The following GPC5 variants were observed in gnomAD, a reference collection of about 807,000 sequenced individuals.
The protein encoded by GPC5 is glypican 5.
In GPC5, 47 loss-of-function variants were observed where a neutral mutation model predicts 53.9. That is an observed-to-expected ratio of 0.87 (90% confidence interval 0.69 to 1.11). The LOEUF (loss-of-function observed/expected upper bound fraction) is 1.11, where lower values mean the gene tolerates loss of function less well. GPC5 is among the 50% of genes most tolerant of loss of function. GPC5 has a pLI of 0.00. For synonymous variants in GPC5, 286 were observed against 263.3 expected (o/e 1.09, Z -0.84); for missense variants, 748 against 713.1 (o/e 1.05, Z -0.56).
intron 5 of GPC5, among the ~76,000 whole-genome samples, chr13:91,897,526 T>C (rs1181886678): frequency 6.6e-6 from 1 of 152,108 alleles, no homozygotes; most frequent in Admixed American, 6.6e-5. Flanking sequence ...AAATCAGCTT[T>C]TGACTTGTTG....
intron 5 of GPC5, among the ~76,000 whole-genome samples, chr13:91,812,647 T>C (rs1365260891): frequency 6.6e-6 from 1 of 152,212 alleles, no homozygotes; most frequent in Non-Finnish European, 1.5e-5. Context: ...TTTGGTATAT[T>C]CTTCAGTATT....
chr13:91,750,778 T>C (rs980449300), intron 4 of GPC5, among the ~76,000 whole-genome samples: 6 of 140,490 alleles, frequency 4.3e-5, no homozygotes, highest in African/African-American at 1.6e-4. Flanking sequence ...CCTCCCGGCC[T>C]CAGCCTCCCG....
At chr13:91,606,871 G>A (rs559277239) in intron 2 of GPC5, among the ~76,000 whole-genome samples, 82 of 151,416 alleles carry the variant, frequency 5.4e-4, no homozygotes, top group African/African-American at 1.8e-3. Flanking sequence ...TCTTGCTAGC[G>A]GTCTATCAAT....
chr13:92,580,155 G>C lies in GPC5; in HGVS notation c.1562-286127G>C, dbSNP rs576137811. On this transcript the variant is annotated intron_variant, in intron 7 of 7. Transcript: ENST00000377067. ...GGGAAAATGCTGAGGGCAAATCAAAGAAATTCAAATTGAAGAAAGGTGACA... is the reference window on the plus strand; with the variant it reads ...GGGAAAATGCTGAGGGCAAATCAAACAAATTCAAATTGAAGAAAGGTGACA... Among the ~76,000 whole-genome samples the C allele has an allele frequency of 1.2e-3, 183 of 152,276 alleles. 1 individual carries two copies. The highest frequency in any genetic ancestry group is 4.4e-3 in the African/African-American group (181 of 41,560).
intron 6 of GPC5, among the ~76,000 whole-genome samples, chr13:91,945,078 C>T (rs115016227): frequency 1.2e-4 from 18 of 152,016 alleles, no homozygotes; most frequent in Non-Finnish European, 2.1e-4. Context: ...TATAATACAC[C>T]GTAATATAAA....
At chr13:91,743,008 C>A (rs1452487279) in intron 4 of GPC5, among the ~76,000 whole-genome samples, 1 of 152,118 alleles carries the variant, frequency 6.6e-6, no homozygotes, top group African/African-American at 2.4e-5. Context: ...GAGCTAGAAG[C>A]TTTTAGTAAT....
intron 2 of GPC5, among the ~76,000 whole-genome samples, chr13:91,557,923 C>G (rs573771090): frequency 6.6e-6 from 1 of 152,144 alleles, no homozygotes; most frequent in East Asian, 1.9e-4. Context: ...TTAAAGTCCC[C>G]AAGGACTACC....
Position 92,169,450 on chromosome 13 carries a change from T to C in GPC5, c.1561+24461T>C, listed in dbSNP as rs139960759. On this transcript the variant is annotated intron_variant, in intron 7 of 7. Coordinates refer to ENST00000377067, the MANE Select transcript of GPC5 (RefSeq NM_004466.6). ...CAGAACATTGTTTTTCTCAGAACAT[T>C]GTTCATTTTGTCTTAGTCTACCTTT... Among the ~76,000 whole-genome samples, 1,063 of 152,316 alleles carry C rather than the reference T, an allele frequency of 7.0e-3. 10 individuals are homozygous for C. The highest frequency in any genetic ancestry group is 0.024 in the African/African-American group (1,015 of 41,570).
At chr13:92,785,835 CCTTT>C (rs1876213324) in intron 7 of GPC5, among the ~76,000 whole-genome samples, 2 of 151,996 alleles carry the variant, frequency 1.3e-5, no homozygotes, top group Admixed American at 6.6e-5. Context: ...TCCGTTTTTT[CCTTT>C]CTAAGATGAA....
chr13:92,307,329 C>T (rs2043117550), intron 7 of GPC5, among the ~76,000 whole-genome samples: 1 of 152,176 alleles, frequency 6.6e-6, no homozygotes, highest in Non-Finnish European at 1.5e-5. Flanking sequence ...TAGCAGGCGT[C>T]TGTAATCCCA....
chr13:91,785,272 T>C (rs1405382923), intron 5 of GPC5, among the ~76,000 whole-genome samples: 1 of 152,228 alleles, frequency 6.6e-6, no homozygotes, highest in Non-Finnish European at 1.5e-5. Context: ...TATGTGGGGC[T>C]ATCCTGAGCA....
chr13:92,482,521 A>G (rs1879396431), intron 7 of GPC5, among the ~76,000 whole-genome samples: 1 of 152,236 alleles, frequency 6.6e-6, no homozygotes, highest in Non-Finnish European at 1.5e-5. Flanking sequence ...TTGCTTGTAG[A>G]GTAAAAGATT....
intron 7 of GPC5, among the ~76,000 whole-genome samples, chr13:92,353,007 T>C (rs529747498): frequency 1.3e-5 from 2 of 152,136 alleles, no homozygotes; most frequent in South Asian, 4.1e-4. Flanking sequence ...ACGCCTGTAA[T>C]CCCAGCACTT....
intron 2 of GPC5, among the ~76,000 whole-genome samples, chr13:91,491,988 A>T (rs528935421): frequency 6.6e-6 from 1 of 152,206 alleles, no homozygotes; most frequent in East Asian, 1.9e-4. Flanking sequence ...GCTTTCACTC[A>T]TGTCTGTTGA....
At position 91,448,773 on chromosome 13, in the gene GPC5, A is replaced by G; in HGVS notation, c.176A>G (p.Gln59Arg). The change falls in exon 2 of 8, where the codon CAG (glutamine) becomes CGG (arginine). Residue 59 changes from glutamine (Q) to arginine (R), a missense_variant. Transcript: ENST00000377067. The stretch of plus-strand genomic sequence containing the variant: ...TTGTGTGTTCCAGGACCTGATCTTC[A>G]GGTTTGCATATCCAAAAAGCCTACA... ...PDSPRAGPDLQVCISKKPTCC... is the reference protein window; with the variant it reads ...PDSPRAGPDLRVCISKKPTCC... 7 of 1,611,832 alleles carry G rather than the reference A, an allele frequency of 4.3e-6. No individual in the cohort carries two copies. The highest frequency in any genetic ancestry group is 5.9e-6 in the Non-Finnish European group (7 of 1,179,284).
intron 7 of GPC5, among the ~76,000 whole-genome samples, chr13:92,766,642 A>T (rs1875416273): frequency 6.6e-6 from 1 of 152,244 alleles, no homozygotes; most frequent in Non-Finnish European, 1.5e-5. Flanking sequence ...GGTATAAGAC[A>T]TATTAGTCAG....
chr13:91,647,457 C>T (rs1469166021), intron 2 of GPC5, among the ~76,000 whole-genome samples: 1 of 152,208 alleles, frequency 6.6e-6, no homozygotes, highest in Non-Finnish European at 1.5e-5. Flanking sequence ...TGCAGACCTC[C>T]AACTCCAGCA....
intron 1 of GPC5, among the ~76,000 whole-genome samples, chr13:91,438,041 TG>T (rs138554294): frequency 0.52 from 78,227 of 151,888 alleles, 20,482 homozygotes; most frequent in East Asian, 0.71. Flanking sequence ...TTCTCTGCAT[TG>T]GTTATTCTAG....
chr13:91,407,402 A>G (rs1401220102), intron 1 of GPC5, among the ~76,000 whole-genome samples: 1 of 152,240 alleles, frequency 6.6e-6, no homozygotes, highest in Non-Finnish European at 1.5e-5. Context: ...AAAGAAAATT[A>G]TTTAACATCT....
Sources: gnomAD v4.1 joint callset for allele counts (sites outside exome capture counted in the v4.1 genomes callset) on GRCh38, gnomAD v4.1.1 for gene constraint, MANE v1.5 for transcripts, NCBI Gene and HGNC (gene_info 2026-07-23, HGNC 2026-07-21) for gene names.